CALCRL: variants seen among roughly 807,000 people sequenced by gnomAD.
CALCRL encodes the protein calcitonin gene-related peptide type 1 receptor.
In CALCRL, 27 loss-of-function variants were observed where a neutral mutation model predicts 60.4. That is an observed-to-expected ratio of 0.45 (90% CI 0.33 to 0.62). The LOEUF is 0.62. CALCRL is among the 20% of genes least tolerant of loss of function. The probability of loss-of-function intolerance (pLI) is 0.03; values close to 1 mark genes in which losing one functional copy is unlikely to be tolerated. For synonymous variants in CALCRL, 190 were observed against 182.6 expected (o/e 1.04, Z -0.33); for missense variants, 424 against 540.7 (o/e 0.78, Z 2.14).
intron 8 of CALCRL, among the ~76,000 whole-genome samples, chr2:187,375,691 T>A (rs1240031140): frequency 1.3e-5 from 2 of 152,222 alleles, no homozygotes; most frequent in African/African-American, 2.4e-5. Context: ...GAACCAAATT[T>A]CTGGCCTCTT....
At chr2:187,375,832 C>G (rs375825780) in intron 8 of CALCRL, among the ~76,000 whole-genome samples, 1 of 152,016 alleles carries the variant, frequency 6.6e-6, no homozygotes, top group Non-Finnish European at 1.5e-5. Flanking sequence ...AATTTTAACC[C>G]TTCAATTAAA....
chr2:187,420,179 C>T (rs555850972), intron 1 of CALCRL, among the ~76,000 whole-genome samples: 5 of 152,206 alleles, frequency 3.3e-5, no homozygotes, highest in Admixed American at 6.5e-5. Flanking sequence ...TGTGCTTAAG[C>T]GATCACAGCT....
At position 187,343,407 on chromosome 2, in the gene CALCRL, A is replaced by T. The variant is rs1289697442; in HGVS notation, c.*2777T>A. 1.3e-5 allele frequency: 2 copies of T among 151,944 alleles called. No homozygotes were observed. The highest frequency in any genetic ancestry group is 4.8e-5 in the African/African-American group (2 of 41,434). 9.4% of individuals were successfully genotyped at this position (151,944 alleles called of 1,614,324 possible). On this transcript the variant is annotated 3_prime_UTR_variant, in exon 15 of 15. Transcript: ENST00000392370. ...ATATCTTGAATATATTTTTACAGAT[A>T]ACTAGTGGTTTCTACTAGCAGATTA...
chr2:187,417,675 A>G (rs1272393167), intron 1 of CALCRL, among the ~76,000 whole-genome samples: 1 of 152,142 alleles, frequency 6.6e-6, no homozygotes, highest in Non-Finnish European at 1.5e-5. Flanking sequence ...TGTAAACTAC[A>G]TTATTAAAGC....
intron 1 of CALCRL, among the ~76,000 whole-genome samples, chr2:187,433,359 T>C (rs1237630248): frequency 6.6e-6 from 1 of 152,112 alleles, no homozygotes; most frequent in African/African-American, 2.4e-5. Flanking sequence ...CACTTCTGGC[T>C]ATCAGAAAAT....
chr2:187,425,386 T>A (rs1230017713), intron 1 of CALCRL, among the ~76,000 whole-genome samples: 5 of 151,942 alleles, frequency 3.3e-5, no homozygotes, highest in Admixed American at 1.3e-4. Flanking sequence ...AACTTCCTTA[T>A]AATTTATTAT....
At position 187,408,334 on chromosome 2, in the gene CALCRL, C is replaced by T. The variant is rs560938804; in HGVS notation, c.-292-20578G>A. 1.6e-3 allele frequency among the ~76,000 whole-genome samples: 238 copies of T among 151,866 alleles called. 1 individual carries two copies. The highest frequency in any genetic ancestry group is 3.1e-3 in the South Asian group (15 of 4,806). On this transcript the variant is annotated intron_variant, in intron 1 of 14. Transcript: ENST00000392370. The stretch of plus-strand genomic sequence containing the variant: ...AGCTAGGGTGAGGTTTTTCTTTCTC[C>T]TTCCAATCCCTTATTAATAAATGAA...
intron 8 of CALCRL, among the ~76,000 whole-genome samples, chr2:187,365,432 CAT>C (rs1687236435): frequency 6.6e-6 from 1 of 152,054 alleles, no homozygotes; most frequent in African/African-American, 2.4e-5. Flanking sequence ...TGCAAATATA[CAT>C]GTTTTTAGTA....
intron 12 of CALCRL, among the ~76,000 whole-genome samples, chr2:187,355,119 A>G (rs887045397): frequency 2.6e-5 from 4 of 152,074 alleles, no homozygotes; most frequent in Admixed American, 2.6e-4. Flanking sequence ...AAAGCATCTC[A>G]TTTAATCCTT....
At chr2:187,418,243 A>G (rs1333992945) in intron 1 of CALCRL, among the ~76,000 whole-genome samples, 5 of 152,170 alleles carry the variant, frequency 3.3e-5, no homozygotes, top group Non-Finnish European at 7.3e-5. Context: ...CTCTGCATCA[A>G]TTTCAAAAGT....
At chr2:187,357,830 AAAAG>A (rs1686866219) in intron 12 of CALCRL, among the ~76,000 whole-genome samples, 5 of 35,968 alleles carry the variant, frequency 1.4e-4, no homozygotes, top group South Asian at 1.2e-3. Flanking sequence ...GAAAGAAAAA[AAAAG>A]ACCCAAATGA....
chr2:187,412,065 G>A (rs1689389727), intron 1 of CALCRL, among the ~76,000 whole-genome samples: 1 of 151,394 alleles, frequency 6.6e-6, no homozygotes, highest in Non-Finnish European at 1.5e-5. Context: ...TAAGGACAGA[G>A]ATGCAGAGGA....
chr2:187,412,143 GCATCCTTC>G (rs2105850374), intron 1 of CALCRL, among the ~76,000 whole-genome samples: 1 of 152,238 alleles, frequency 6.6e-6, no homozygotes, highest in South Asian at 2.1e-4. Context: ...AGGTCTGCCT[GCATCCTTC>G]CAGTTTTAGA....
At chr2:187,369,689 A>T (rs1481299224) in intron 8 of CALCRL, among the ~76,000 whole-genome samples, 3 of 152,198 alleles carry the variant, frequency 2.0e-5, no homozygotes, top group Admixed American at 2.0e-4. Flanking sequence ...TGTGACTCAC[A>T]CTATAGCAGA....
At chr2:187,438,891 A>C (rs1340607712) in intron 1 of CALCRL, among the ~76,000 whole-genome samples, 1 of 152,176 alleles carries the variant, frequency 6.6e-6, no homozygotes, top group African/African-American at 2.4e-5. Flanking sequence ...ATGAAAACTA[A>C]TTTTTGAATA....
chr2:187,360,846 C>A (rs547898838), intron 9 of CALCRL, 95 bp from the exon 10 acceptor site: 3 of 1,128,968 alleles, frequency 2.7e-6, no homozygotes, highest in East Asian at 2.5e-5. Context: ...GAACATTCTC[C>A]CCTACACACA....
intron 1 of CALCRL, among the ~76,000 whole-genome samples, chr2:187,436,286 G>A (rs1324257246): frequency 6.6e-6 from 1 of 152,064 alleles, no homozygotes; most frequent in African/African-American, 2.4e-5. Flanking sequence ...ATCTCCATCT[G>A]TCCATTGAGC....
chr2:187,350,535 T>G (rs932197835), intron 14 of CALCRL, among the ~76,000 whole-genome samples: 6 of 151,270 alleles, frequency 4.0e-5, no homozygotes, highest in Non-Finnish European at 7.4e-5. Context: ...CTACAATGTG[T>G]GGCAACTCTA....
intron 1 of CALCRL, among the ~76,000 whole-genome samples, chr2:187,440,796 G>A (rs1046314322): frequency 1.2e-4 from 19 of 152,014 alleles, no homozygotes; most frequent in African/African-American, 4.3e-4. Flanking sequence ...TGATCAAAAC[G>A]ACTTTCACAC....
Sources: allele counts gnomAD v4.1 joint callset (sites outside exome capture counted in the v4.1 genomes callset), GRCh38; gene constraint gnomAD v4.1.1; transcripts MANE v1.5; gene names NCBI Gene and HGNC (gene_info 2026-07-23, HGNC 2026-07-21).